CDH8: variants seen among roughly 807,000 people sequenced by gnomAD.
CDH8 encodes the protein cadherin 8, also known as cadherin-8.
Under a neutral mutation model 68.1 loss-of-function variants are expected in CDH8, and 17 were observed. That is an observed-to-expected ratio of 0.25 (90% CI 0.17 to 0.37). The LOEUF is 0.37. CDH8 is among the 10% of genes least tolerant of loss of function. The pLI, the probability that CDH8 is intolerant of heterozygous loss-of-function variation, is 1.00. For missense variants in CDH8, 763 were observed against 999.3 expected (o/e 0.76, Z 3.19); for synonymous variants, 372 against 365.1 (o/e 1.02, Z -0.21).
intron 10 of CDH8, chr16:61,667,718 T>C (rs1035160340): frequency 3.9e-5 from 6 of 152,016 alleles, no homozygotes; most frequent in African/African-American, 9.7e-5. Flanking sequence ...TTGGGATTAT[T>C]TGTTACGGCA....
rs753621691 is a variant in CDH8, at chr16:61,727,202, C to T, written c.1428G>A (p.Gln476=). The T allele has an allele frequency of 1.2e-6, 2 of 1,608,234 alleles. No individual in the cohort carries two copies. The highest frequency in any genetic ancestry group is 1.7e-6 in the Non-Finnish European group (2 of 1,176,254). Residue 476 remains glutamine (Q), a synonymous_variant, in exon 9 of 12, where the codon CAG becomes CAA. Coordinates refer to ENST00000577390, the MANE Select transcript of CDH8 (RefSeq NM_001796.5). ...TAATAGCAACAGGTACTCGTGATAT[C>T]TGACTGTGGTTCCCTATGGGAAGGA... ...IIATEIRNHS[Q]ISRVPVAIKV... is the part of the protein sequence containing the mutation.
intron 2 of CDH8, among the ~76,000 whole-genome samples, chr16:61,970,252 A>T (rs959774348): frequency 2.0e-5 from 3 of 152,166 alleles, no homozygotes; most frequent in African/African-American, 7.2e-5. Flanking sequence ...TTAGAAACTT[A>T]AAAAAAGAGA....
At chr16:61,667,503 TG>T (rs1360746518) in intron 10 of CDH8, 2 of 152,020 alleles carry the variant, frequency 1.3e-5, no homozygotes, top group African/African-American at 4.8e-5. Flanking sequence ...ATTGTCATTT[TG>T]GAGTGAAAAT....
chr16:61,751,382 TAA>T (rs71134375), intron 8 of CDH8, among the ~76,000 whole-genome samples: 573 of 54,104 alleles, frequency 0.011, 4 homozygotes, highest in African/African-American at 0.04. Context: ...ATATTCTCCT[TAA>T]AAAAAAAAAA....
At chr16:61,867,915 A>C (rs1963285930) in intron 3 of CDH8, among the ~76,000 whole-genome samples, 1 of 152,078 alleles carries the variant, frequency 6.6e-6, no homozygotes, top group African/African-American at 2.4e-5. Context: ...GCTTCTTAGG[A>C]ACAATATTCT....
At chr16:61,967,076 T>C (rs1234498413) in intron 2 of CDH8, among the ~76,000 whole-genome samples, 2 of 151,966 alleles carry the variant, frequency 1.3e-5, no homozygotes, top group Non-Finnish European at 2.9e-5. Context: ...TGGCACACAC[T>C]TGTGGTCTCA....
rs74023266 is a variant in CDH8, at chr16:61,838,621, C to G, written c.668-13442G>C. ...TTCTTACAATACAAAGAATGCAAGT[C>G]CCTGATTGATTTCTGAGAAACTTGC... On this transcript the variant is annotated intron_variant, in intron 4 of 11. Coordinates refer to ENST00000577390, the MANE Select transcript of CDH8 (RefSeq NM_001796.5). 4.2e-3 allele frequency among the ~76,000 whole-genome samples: 638 copies of G among 152,178 alleles called. 5 individuals are homozygous for G. The highest frequency in any genetic ancestry group is 0.014 in the African/African-American group (601 of 41,536).
intron 2 of CDH8, among the ~76,000 whole-genome samples, chr16:61,912,825 T>C (rs1964182388): frequency 6.6e-6 from 1 of 152,130 alleles, no homozygotes; most frequent in Non-Finnish European, 1.5e-5. Context: ...AGCTTTTTTA[T>C]ACAACTACTC....
intron 8 of CDH8, among the ~76,000 whole-genome samples, chr16:61,768,398 T>TC (rs1960684849): frequency 5.3e-3 from 188 of 35,200 alleles, no homozygotes; most frequent in Middle Eastern, 0.017. Context: ...CTCTCTCCCT[T>TC]TCTCTCTCTC....
intron 2 of CDH8, among the ~76,000 whole-genome samples, chr16:61,921,523 C>T (rs1263929089): frequency 1.3e-5 from 2 of 152,114 alleles, no homozygotes; most frequent in Non-Finnish European, 2.9e-5. Context: ...AAATCTGTCC[C>T]CGAACAGAAA....
At chr16:61,738,823 G>T (rs1959781800) in intron 8 of CDH8, among the ~76,000 whole-genome samples, 1 of 152,074 alleles carries the variant, frequency 6.6e-6, no homozygotes, top group African/African-American at 2.4e-5. Flanking sequence ...GTGTATGTGT[G>T]TGTGCACATA....
chr16:61,753,613 T>G (rs1174505749), intron 8 of CDH8, among the ~76,000 whole-genome samples: 1 of 152,164 alleles, frequency 6.6e-6, no homozygotes, highest in Non-Finnish European at 1.5e-5. Context: ...TTTTTATTCA[T>G]AAAGAGGCCC....
At chr16:61,839,588 G>T (rs2143007677) in intron 4 of CDH8, among the ~76,000 whole-genome samples, 1 of 152,216 alleles carries the variant, frequency 6.6e-6, no homozygotes, top group South Asian at 2.1e-4. Context: ...TGCTACCTCT[G>T]TCAAATACTC....
At chr16:61,675,784 A>C (rs1963895614) in intron 10 of CDH8, among the ~76,000 whole-genome samples, 1 of 151,612 alleles carries the variant, frequency 6.6e-6, no homozygotes, top group South Asian at 2.1e-4. Context: ...TTACATTGTA[A>C]GAAATATATT....
At chr16:61,891,131 G>C (rs539868025) in intron 3 of CDH8, among the ~76,000 whole-genome samples, 1 of 152,004 alleles carries the variant, frequency 6.6e-6, no homozygotes, top group South Asian at 2.1e-4. Context: ...TTAAATTAAA[G>C]AGATCAGGGA....
intron 9 of CDH8, among the ~76,000 whole-genome samples, chr16:61,717,966 C>T (rs982437618): frequency 1.2e-4 from 18 of 151,208 alleles, no homozygotes; most frequent in Non-Finnish European, 1.8e-4. Context: ...GTATATATTA[C>T]ATATGTATAT....
chr16:61,807,788 C>G (rs1961831636), intron 7 of CDH8, among the ~76,000 whole-genome samples: 1 of 152,186 alleles, frequency 6.6e-6, no homozygotes, highest in African/African-American at 2.4e-5. Context: ...ATAAGCAACA[C>G]TGATTCCAAA....
At position 61,996,935 on chromosome 16, in the gene CDH8, T is replaced by C. The variant is rs193220530; in HGVS notation, c.252+24217A>G. Among the ~76,000 whole-genome samples, 3 of 152,214 alleles carry C rather than the reference T, an allele frequency of 2.0e-5. No individual in the cohort carries two copies. The East Asian group carries it at 5.8e-4, about 29-fold the overall frequency. On this transcript the variant is annotated intron_variant, in intron 2 of 11. Coordinates refer to ENST00000577390, the MANE Select transcript of CDH8 (RefSeq NM_001796.5). The stretch of plus-strand genomic sequence containing the variant: ...AAATATTGAGTAGTTTAGCATTTTG[T>C]TTTCTTTCATATATGAGGTTAATAC...
rs1310307149 is a variant in CDH8 at position 61,960,320 on chromosome 16, C to T, written c.253-58847G>A. On this transcript the variant is annotated intron_variant, in intron 2 of 11. Transcript: ENST00000577390. ...GTGTGTGTGTATACACACATATATA[C>T]GTGTGTGTGTATACACACATATATA... is the stretch of plus-strand genomic sequence containing the variant. Among the ~76,000 whole-genome samples, 4 of 57,270 alleles carry T rather than the reference C, an allele frequency of 7.0e-5. 1 individual carries two copies. The highest frequency in any genetic ancestry group is 1.2e-4 in the Non-Finnish European group (4 of 34,322). The allele number at this position is 57,270 out of a possible 152,430, so 37.6% of individuals were successfully genotyped here. A position where few individuals can be genotyped will look rare whatever the true frequency, so the allele number is the denominator to read the frequency against.
Sources: gnomAD v4.1 joint callset for allele counts (sites outside exome capture counted in the v4.1 genomes callset) on GRCh38, gnomAD v4.1.1 for gene constraint, MANE v1.5 for transcripts, NCBI Gene and HGNC (gene_info 2026-07-23, HGNC 2026-07-21) for gene names.